Variants in BRINP3 observed in about 807,000 individuals in gnomAD.
BRINP3 encodes the protein BMP/retinoic acid-inducible neural-specific protein 3.
In BRINP3, 19 loss-of-function variants were observed where a neutral mutation model predicts 71.0. The observed-to-expected ratio is 0.27, with a 90% CI of 0.19 to 0.39. BRINP3 has a LOEUF of 0.39. Ranked by LOEUF, BRINP3 falls within the 10% of genes least tolerant of loss-of-function variation. The probability of loss-of-function intolerance (pLI) is 1.00; values close to 1 mark genes in which losing one functional copy is unlikely to be tolerated. For synonymous variants in BRINP3, 380 were observed against 337.7 expected (o/e 1.13, Z -1.37); for missense variants, 959 against 940.8 (o/e 1.02, Z -0.25).
chr1:190,322,729 C>T (rs1666326429), intron 2 of BRINP3, among the ~76,000 whole-genome samples: 1 of 151,952 alleles, frequency 6.6e-6, no homozygotes, highest in African/African-American at 2.4e-5. Context: ...TACATGTCTA[C>T]CATCCAACCA....
chr1:190,401,202 A>G lies in BRINP3; in HGVS notation c.236+53453T>C, dbSNP rs147934488. Among the ~76,000 whole-genome samples, 826 of 151,908 alleles carry G rather than the reference A, an allele frequency of 5.4e-3. 6 individuals are homozygous for G. The highest frequency in any genetic ancestry group is 0.018 in the African/African-American group (759 of 41,354). ...GTGAAACCCCGTATTTACCAAAAAC[A>G]TGAAAATTAGCTGGGCATCGTGTTG... On this transcript the variant is annotated intron_variant, in intron 2 of 7. Coordinates refer to ENST00000367462, the MANE Select transcript of BRINP3 (RefSeq NM_199051.3).
chr1:190,154,523 G>A (rs1012362199), intron 7 of BRINP3, among the ~76,000 whole-genome samples: 2 of 152,154 alleles, frequency 1.3e-5, no homozygotes, highest in Admixed American at 6.6e-5. Context: ...CTAAAGCAAT[G>A]GAGAGTAAAC....
intron 2 of BRINP3, among the ~76,000 whole-genome samples, chr1:190,405,410 C>T (rs896887172): frequency 1.6e-5 from 2 of 123,034 alleles, no homozygotes; most frequent in African/African-American, 6.1e-5. Context: ...GAGATAATGC[C>T]ACTGCACTCC....
intron 7 of BRINP3, among the ~76,000 whole-genome samples, chr1:190,147,486 T>C (rs1355367150): frequency 2.0e-5 from 3 of 152,212 alleles, no homozygotes; most frequent in African/African-American, 7.2e-5. Flanking sequence ...GAAAGTCCTT[T>C]TGTTTTCCTC....
intron 2 of BRINP3, among the ~76,000 whole-genome samples, chr1:190,452,355 A>G (rs1415004842): frequency 1.3e-5 from 2 of 152,220 alleles, no homozygotes; most frequent in African/African-American, 4.8e-5. Context: ...AATGGATTTA[A>G]TATCTTTACA....
chr1:190,212,981 G>C (rs1020355753), intron 6 of BRINP3, among the ~76,000 whole-genome samples: 1 of 152,038 alleles, frequency 6.6e-6, no homozygotes, highest in Non-Finnish European at 1.5e-5. Context: ...GGAGGGGATA[G>C]TGTTAAGAAA....
At chr1:190,458,914 G>A (rs184821819) in intron 1 of BRINP3, among the ~76,000 whole-genome samples, 2 of 151,912 alleles carry the variant, frequency 1.3e-5, no homozygotes, top group Non-Finnish European at 1.5e-5. Context: ...TGGACCATGG[G>A]AGAGTGATTT....
chr1:190,469,989 T>TA (rs1677022156), intron 1 of BRINP3, among the ~76,000 whole-genome samples: 1 of 151,050 alleles, frequency 6.6e-6, no homozygotes, highest in Admixed American at 6.6e-5. Context: ...TCAAAGAAAA[T>TA]ATTTGTTATT....
At chr1:190,148,456 C>G (rs1255239373) in intron 7 of BRINP3, among the ~76,000 whole-genome samples, 1 of 151,522 alleles carries the variant, frequency 6.6e-6, no homozygotes, top group South Asian at 2.1e-4. Context: ...ACTAGCCGGG[C>G]GTGGTGGCGG....
At chr1:190,255,733 T>C (rs761614275) in intron 4 of BRINP3, among the ~76,000 whole-genome samples, 5 of 146,036 alleles carry the variant, frequency 3.4e-5, no homozygotes, top group Non-Finnish European at 7.7e-5. Flanking sequence ...AAAAACCAGC[T>C]CCTGGATTGA....
chr1:190,362,593 C>A (rs372755326), intron 2 of BRINP3, among the ~76,000 whole-genome samples: 1 of 152,128 alleles, frequency 6.6e-6, no homozygotes, highest in Non-Finnish European at 1.5e-5. Flanking sequence ...CAAATCTCAT[C>A]TTGAATTGTA....
At chr1:190,450,764 T>C (rs1256955513) in intron 2 of BRINP3, among the ~76,000 whole-genome samples, 1 of 152,114 alleles carries the variant, frequency 6.6e-6, no homozygotes, top group Non-Finnish European at 1.5e-5. Context: ...AATAGGCTTA[T>C]ATATATGTTA....
Position 190,099,095 on chromosome 1 carries a change from G to T in BRINP3, c.1224C>A (p.Leu408=). 1 of 1,614,076 alleles carries T rather than the reference G, an allele frequency of 6.2e-7. No individual in the cohort carries two copies. Among genetic ancestry groups the T allele is most frequent in the South Asian group, 1.1e-5 (1 of 91,084 alleles). The change falls in exon 8 of 8, where the codon CTC becomes CTA. Residue 408 remains leucine (L), a synonymous_variant. Coordinates refer to ENST00000367462, the MANE Select transcript of BRINP3 (RefSeq NM_199051.3). ...CTAGGAGGCCGTTCTCATTGCAGTA[G>T]AGAAAAGACTGGATGCGAGTAAGCC... is the stretch of plus-strand genomic sequence containing the variant. The part of the protein sequence containing the change: ...TYWLTRIQSF[L]YCNENGLLGS...
intron 4 of BRINP3, among the ~76,000 whole-genome samples, chr1:190,254,333 GATGCC>G (rs1660446833): frequency 6.6e-6 from 1 of 151,742 alleles, no homozygotes; most frequent in Admixed American, 6.6e-5. Flanking sequence ...GATTGATGGG[GATGCC>G]ACTGAATCTA....
At chr1:190,309,424 TA>T (rs1188547414) in intron 2 of BRINP3, among the ~76,000 whole-genome samples, 1 of 151,856 alleles carries the variant, frequency 6.6e-6, no homozygotes, top group Non-Finnish European at 1.5e-5. Flanking sequence ...CATATACACT[TA>T]AAAATGGTTA....
At chr1:190,177,597 G>T (rs547377593) in intron 6 of BRINP3, among the ~76,000 whole-genome samples, 3 of 151,766 alleles carry the variant, frequency 2.0e-5, no homozygotes, top group African/African-American at 7.2e-5. Flanking sequence ...CCAAATTATT[G>T]AAAAAAAGAA....
chr1:190,356,605 T>A (rs775383724), intron 2 of BRINP3, among the ~76,000 whole-genome samples: 2 of 151,996 alleles, frequency 1.3e-5, no homozygotes, highest in Non-Finnish European at 2.9e-5. Flanking sequence ...CATCTTGTTC[T>A]CTGGTTCAGA....
chr1:190,125,934 G>C (rs886363537), intron 7 of BRINP3, among the ~76,000 whole-genome samples: 5 of 151,942 alleles, frequency 3.3e-5, no homozygotes, highest in African/African-American at 9.7e-5. Flanking sequence ...TAGTCACACA[G>C]AACCACAGCT....
At chr1:190,403,291 T>G (rs1469640581) in intron 2 of BRINP3, among the ~76,000 whole-genome samples, 1 of 152,168 alleles carries the variant, frequency 6.6e-6, no homozygotes, top group African/African-American at 2.4e-5. Context: ...ATTAAGAAAT[T>G]CTGGCTTAAA....
Sources: allele counts gnomAD v4.1 joint callset (sites outside exome capture counted in the v4.1 genomes callset), GRCh38; gene constraint gnomAD v4.1.1; transcripts MANE v1.5; gene names NCBI Gene and HGNC (gene_info 2026-07-23, HGNC 2026-07-21).